The following TECPR2 variants were observed in gnomAD, a reference collection of about 807,000 sequenced individuals.
The protein encoded by TECPR2 is tectonin beta-propeller repeat-containing protein 2.
In TECPR2, 65 loss-of-function variants were observed where a neutral mutation model predicts 138.1. That is an observed-to-expected ratio of 0.47 (90% CI 0.39 to 0.58). The LOEUF is 0.58. TECPR2 is among the 20% of genes least tolerant of loss of function. The pLI is 0.00. For synonymous variants in TECPR2, 746 were observed against 749.8 expected, an observed-to-expected ratio of 0.99 and a Z score of 0.08; for missense variants, 1,553 against 1,824.5, an observed-to-expected ratio of 0.85 and a Z score of 2.71.
intron 10 of TECPR2, among the ~76,000 whole-genome samples, chr14:102,439,257 C>T (rs1016351140): frequency 3.3e-5 from 5 of 152,126 alleles, no homozygotes; most frequent in Non-Finnish European, 7.4e-5. Context: ...ACTGTCAGGA[C>T]ATTGGAATAG....
intron 17 of TECPR2, among the ~76,000 whole-genome samples, chr14:102,489,444 C>T (rs1233048670): frequency 6.6e-6 from 1 of 151,144 alleles, no homozygotes; most frequent in African/African-American, 2.4e-5. Flanking sequence ...TGGTGAAACC[C>T]TGTCTCTATC....
chr14:102,418,553 G>A (rs1428450934), intron 5 of TECPR2, among the ~76,000 whole-genome samples: 1 of 152,248 alleles, frequency 6.6e-6, no homozygotes, highest in African/African-American at 2.4e-5. Flanking sequence ...GATCTGAGCA[G>A]CCAGGCTGGC....
intron 18 of TECPR2, 115 bp from the exon 19 acceptor site, chr14:102,497,455 C>T (rs958007028): frequency 2.7e-5 from 36 of 1,345,232 alleles, no homozygotes; most frequent in Non-Finnish European, 3.2e-5. Flanking sequence ...ATCATGGGCA[C>T]TCCGTCCCCG....
At chr14:102,465,473 T>G in intron 17 of TECPR2, 184 bp downstream of exon 17, 1 of 1,403,878 alleles carries the variant, frequency 7.1e-7, no homozygotes, top group Non-Finnish European at 9.2e-7. Context: ...ATTTGTGAAG[T>G]TTAGAGCTGA....
At chr14:102,465,001 G>A (rs920768409) in intron 16 of TECPR2, 140 bp from the exon 17 acceptor site, 40 of 994,092 alleles carry the variant, frequency 4.0e-5, no homozygotes, top group Middle Eastern at 6.1e-4. Context: ...GGACAGATCC[G>A]ATGACTTAGT....
intron 16 of TECPR2, among the ~76,000 whole-genome samples, chr14:102,456,549 T>C (rs1011212949): frequency 4.6e-5 from 7 of 150,572 alleles, no homozygotes; most frequent in African/African-American, 1.7e-4. Context: ...CTCGAGGCCA[T>C]CTTGGACTCA....
At chr14:102,490,763 C>T (rs1283009986) in intron 17 of TECPR2, among the ~76,000 whole-genome samples, 1 of 152,220 alleles carries the variant, frequency 6.6e-6, no homozygotes, top group Non-Finnish European at 1.5e-5. Flanking sequence ...GTACCACCAG[C>T]CCCTGGCTTA....
chr14:102,502,333 G>A lies in TECPR2; in HGVS notation c.*4076G>A, dbSNP rs192518133. 1 of 152,584 alleles carries A rather than the reference G, an allele frequency of 6.6e-6. No homozygotes were observed. The highest frequency in any genetic ancestry group is 2.4e-5 in the African/African-American group (1 of 41,418). The allele number at this position is 152,584 out of a possible 1,614,324, so 9.5% of individuals were successfully genotyped here. A position where few individuals can be genotyped will look rare whatever the true frequency, so the allele number is the denominator to read the frequency against. ...CATAACTCCGGGGAGGAGCAAGAGG[G>A]GTGAAAAGAAACAAGTTCTCTACTT... On this transcript the variant is annotated 3_prime_UTR_variant, in exon 20 of 20. Coordinates refer to ENST00000359520, the MANE Select transcript of TECPR2 (RefSeq NM_014844.5).
intron 1 of TECPR2, among the ~76,000 whole-genome samples, chr14:102,374,098 A>T (rs990161952): frequency 6.6e-6 from 1 of 151,698 alleles, no homozygotes; most frequent in Non-Finnish European, 1.5e-5. Context: ...AAGAAAAGAA[A>T]TAGAATCTAA....
chr14:102,363,139 C>T (rs896597220), intron 1 of TECPR2, 23 bp downstream of exon 1: 8 of 364,958 alleles, frequency 2.2e-5, no homozygotes, highest in Non-Finnish European at 3.9e-5. Context: ...ACGCCGCAAG[C>T]GGCCCCGACG....
In TECPR2 at chr14:102,497,503, C is replaced by T. The variant is rs367844480; in HGVS notation, c.3932-67C>T. The stretch of plus-strand genomic sequence containing the variant: ...TGGAGGTGTGCAGCGTCACAAGAGT[C>T]GGCTTGGGAAGCAGCGGCCCATCCC... On this transcript the variant is annotated intron_variant, in intron 18 of 19. Coordinates refer to ENST00000359520, the MANE Select transcript of TECPR2 (RefSeq NM_014844.5). 158 of 1,413,998 alleles carry T rather than the reference C, an allele frequency of 1.1e-4. 3 individuals carry two copies. Among genetic ancestry groups the T allele is most frequent in the East Asian group, 9.0e-4 (34 of 37,816 alleles). The allele number at this position is 1,413,998 out of a possible 1,614,324, so 87.6% of individuals were successfully genotyped here. A position where few individuals can be genotyped will look rare whatever the true frequency, so the allele number is the denominator to read the frequency against.
At chr14:102,396,795 C>T (rs1025441342) in intron 2 of TECPR2, among the ~76,000 whole-genome samples, 2 of 152,182 alleles carry the variant, frequency 1.3e-5, no homozygotes, top group African/African-American at 4.8e-5. Flanking sequence ...TTGCACACAG[C>T]GTGGGAGCCA....
intron 17 of TECPR2, chr14:102,465,529 A>G: frequency 8.2e-7 from 1 of 1,219,728 alleles, no homozygotes; most frequent in East Asian, 3.5e-5. Flanking sequence ...TTTCTCTTTC[A>G]AAATAATAAT....
intron 17 of TECPR2, among the ~76,000 whole-genome samples, chr14:102,491,807 C>T (rs916739181): frequency 3.3e-5 from 5 of 152,148 alleles, no homozygotes; most frequent in African/African-American, 7.2e-5. Context: ...TTGGTTTGTC[C>T]GGGTTGTGCC....
rs1355569199 is a variant in TECPR2 at position 102,498,940 on chromosome 14, C to T, written c.*683C>T. On this transcript the variant is annotated 3_prime_UTR_variant, in exon 20 of 20. Coordinates refer to ENST00000359520, the MANE Select transcript of TECPR2 (RefSeq NM_014844.5). ...CGCACTGCACCATACCTCACCACAT[C>T]TCACCACACCACAGCACACCTCACC... is the stretch of plus-strand genomic sequence containing the variant. The T allele has an allele frequency of 3.2e-5, 22 of 694,206 alleles. No homozygotes were observed. The highest frequency in any genetic ancestry group is 4.7e-5 in the Non-Finnish European group (18 of 379,850). 43.0% of individuals were successfully genotyped at this position (694,206 alleles called of 1,614,324 possible).
At chr14:102,402,959 A>ATC (rs1470044512) in intron 2 of TECPR2, among the ~76,000 whole-genome samples, 1 of 152,220 alleles carries the variant, frequency 6.6e-6, no homozygotes, top group Non-Finnish European at 1.5e-5. Flanking sequence ...TTAACCAAGC[A>ATC]TTTAAAGAAG....
intron 17 of TECPR2, among the ~76,000 whole-genome samples, chr14:102,468,827 G>A (rs557401590): frequency 1.3e-5 from 2 of 152,106 alleles, no homozygotes; most frequent in South Asian, 2.1e-4. Flanking sequence ...TTTACATGTG[G>A]GTATCGAATT....
intron 8 of TECPR2, among the ~76,000 whole-genome samples, chr14:102,432,582 A>G (rs1303284217): frequency 6.6e-6 from 1 of 152,080 alleles, no homozygotes; most frequent in African/African-American, 2.4e-5. Context: ...TTTAGTAGAT[A>G]CAGGGTTTCT....
intron 2 of TECPR2, among the ~76,000 whole-genome samples, chr14:102,396,425 A>G (rs1190686621): frequency 6.6e-6 from 1 of 152,156 alleles, no homozygotes; most frequent in East Asian, 1.9e-4. Context: ...AGAGCTCAGC[A>G]TATTCATACT....
Sources: allele counts gnomAD v4.1 joint callset (sites outside exome capture counted in the v4.1 genomes callset), GRCh38; gene constraint gnomAD v4.1.1; transcripts MANE v1.5; gene names NCBI Gene and HGNC (gene_info 2026-07-23, HGNC 2026-07-21).